SYNPR: variants seen among roughly 807,000 people sequenced by gnomAD.
SYNPR encodes synaptoporin.
Under a neutral mutation model 32.9 loss-of-function variants are expected in SYNPR, and 23 were observed. The ratio of observed to expected loss-of-function variants is 0.70; its 90% CI spans 0.50 to 0.99. The LOEUF is 0.99. SYNPR is among the 50% of genes least tolerant of loss of function. SYNPR has a pLI of 0.00. For missense variants in SYNPR, 318 were observed against 349.3 expected (o/e 0.91, Z 0.71); for synonymous variants, 146 against 135.9 (o/e 1.07, Z -0.52).
chr3:63,204,062 T>A, the SYNPR span, among the ~76,000 whole-genome samples: 1 of 152,260 alleles, frequency 6.6e-6, no homozygotes, highest in African/African-American at 2.4e-5. Context: ...TCACCTTTAA[T>A]AAGATCATCA....
intron 2 of SYNPR, among the ~76,000 whole-genome samples, chr3:63,329,456 A>G (rs1575599824): frequency 6.6e-6 from 1 of 152,170 alleles, no homozygotes; most frequent in Non-Finnish European, 1.5e-5. Flanking sequence ...CTCACCCAAG[A>G]CATCACAACA....
the SYNPR span, among the ~76,000 whole-genome samples, chr3:63,205,204 C>A: frequency 6.6e-6 from 1 of 152,124 alleles, no homozygotes; most frequent in Non-Finnish European, 1.5e-5. Flanking sequence ...CAGACAGGGG[C>A]CATGTCAGTT....
At chr3:63,399,343 A>G (rs773611034) in intron 2 of SYNPR, among the ~76,000 whole-genome samples, 1 of 152,206 alleles carries the variant, frequency 6.6e-6, no homozygotes, top group Non-Finnish European at 1.5e-5. Flanking sequence ...CTGTGCCTGT[A>G]TTCTTGATGG....
intron 2 of SYNPR, among the ~76,000 whole-genome samples, chr3:63,373,714 G>A (rs1204420898): frequency 6.6e-6 from 1 of 151,984 alleles, no homozygotes; most frequent in Non-Finnish European, 1.5e-5. Context: ...TTCAAATTAA[G>A]GAAACACAGA....
chr3:63,277,586 G>A (rs373315506), upstream of SYNPR, among the ~76,000 whole-genome samples: 130 of 152,312 alleles, frequency 8.5e-4, no homozygotes, highest in African/African-American at 2.8e-3. Context: ...TTCATGAGAT[G>A]TTTTACCTTG....
chr3:63,605,214 C>T (rs2106897962), intron 4 of SYNPR, among the ~76,000 whole-genome samples: 1 of 152,238 alleles, frequency 6.6e-6, no homozygotes, highest in Non-Finnish European at 1.5e-5. Flanking sequence ...AATTGCAGGG[C>T]TCAGGAAAGA....
chr3:63,226,440 T>C (rs987465126), upstream of SYNPR, among the ~76,000 whole-genome samples: 9 of 152,210 alleles, frequency 5.9e-5, no homozygotes, highest in East Asian at 5.8e-4. Flanking sequence ...AGCAAAGATA[T>C]GGAATCAACC....
At chr3:63,502,665 T>C (rs1575679146) in intron 3 of SYNPR, among the ~76,000 whole-genome samples, 1 of 152,192 alleles carries the variant, frequency 6.6e-6, no homozygotes, top group Non-Finnish European at 1.5e-5. Context: ...CTCTTTCAGA[T>C]TGGCTTATTT....
At chr3:63,232,445 C>T (rs1016369261) in intron 1 of SYNPR, among the ~76,000 whole-genome samples, 21 of 151,948 alleles carry the variant, frequency 1.4e-4, no homozygotes, top group Admixed American at 8.5e-4. Flanking sequence ...TCAAGTGATC[C>T]GCCTTCCTTG....
chr3:63,408,362 A>AAGAAAGAAAGAAAGAAAGAG (rs2088416212), intron 2 of SYNPR, among the ~76,000 whole-genome samples: 1 of 150,420 alleles, frequency 6.6e-6, no homozygotes, highest in Admixed American at 6.6e-5. Context: ...GAAAGAAAGA[A>AAGAAAGAAAGAAAGAAAGAG]AGAAAGAAAG....
chr3:63,391,903 A>G lies in SYNPR; in HGVS notation c.85-88929A>G, dbSNP rs184329880. ...CGTGGCTAGTAAACAGCAGAAGCAA[A>G]ATAATAATTCAGATGTGCTTTACTC... is the stretch of plus-strand genomic sequence containing the variant. On this transcript the variant is annotated intron_variant, in intron 2 of 5. Coordinates refer to ENST00000478300, the MANE Select transcript of SYNPR (RefSeq NM_001130003.2). 3.9e-5 allele frequency among the ~76,000 whole-genome samples: 6 copies of G among 152,260 alleles called. No homozygotes were observed. The East Asian group carries it at 1.2e-3, about 29-fold the overall frequency.
upstream of SYNPR, among the ~76,000 whole-genome samples, chr3:63,277,752 G>A (rs1042540055): frequency 2.6e-5 from 4 of 151,970 alleles, no homozygotes; most frequent in African/African-American, 9.7e-5. Context: ...TGTGCCCATG[G>A]CCCCTGTGCT....
intron 4 of SYNPR, among the ~76,000 whole-genome samples, chr3:63,570,143 G>T (rs2106845458): frequency 6.6e-6 from 1 of 152,258 alleles, no homozygotes; most frequent in East Asian, 1.9e-4. Context: ...AGATATAGCT[G>T]GTAGAAGGCT....
At chr3:63,336,581 A>T (rs1478567741) in intron 2 of SYNPR, among the ~76,000 whole-genome samples, 1 of 143,658 alleles carries the variant, frequency 7.0e-6, no homozygotes, top group Non-Finnish European at 1.5e-5. Context: ...ACAATAGCTT[A>T]CCCTTTTCAC....
At chr3:63,416,232 G>C (rs1036410876) in intron 2 of SYNPR, among the ~76,000 whole-genome samples, 1 of 152,140 alleles carries the variant, frequency 6.6e-6, no homozygotes, top group African/African-American at 2.4e-5. Context: ...CACAGAATCT[G>C]GATCAAAAAT....
intron 2 of SYNPR, among the ~76,000 whole-genome samples, chr3:63,369,242 A>G (rs919019942): frequency 6.6e-6 from 1 of 152,164 alleles, no homozygotes; most frequent in African/African-American, 2.4e-5. Context: ...CAGGGACCTC[A>G]GGAGAATCCA....
chr3:63,476,853 C>A (rs1187874471), intron 2 of SYNPR, among the ~76,000 whole-genome samples: 2 of 152,164 alleles, frequency 1.3e-5, no homozygotes, highest in Non-Finnish European at 2.9e-5. Context: ...CCATATCTAG[C>A]ATTAAGCCCC....
chr3:63,612,226 TA>T (rs200196316), intron 5 of SYNPR, among the ~76,000 whole-genome samples: 3 of 151,942 alleles, frequency 2.0e-5, no homozygotes, highest in Non-Finnish European at 2.9e-5. Context: ...AGATAATCTA[TA>T]AAAAAAATAC....
chr3:63,593,164 T>C (rs986831736), intron 4 of SYNPR, among the ~76,000 whole-genome samples: 6 of 152,118 alleles, frequency 3.9e-5, no homozygotes, highest in Non-Finnish European at 7.4e-5. Flanking sequence ...ATAGTAAACA[T>C]AGAATCAATA....
Sources: gnomAD v4.1 joint callset for allele counts (sites outside exome capture counted in the v4.1 genomes callset) on GRCh38, gnomAD v4.1.1 for gene constraint, MANE v1.5 for transcripts, NCBI Gene and HGNC (gene_info 2026-07-23, HGNC 2026-07-21) for gene names.